TANGO6: variants seen among roughly 807,000 people sequenced by gnomAD.
The protein encoded by TANGO6 is transport and Golgi organization protein 6 homolog.
TANGO6 carries 90 observed loss-of-function variants against 114.2 expected under a neutral mutation model. That is an observed-to-expected ratio of 0.79 (90% CI 0.66 to 0.94). The LOEUF (loss-of-function observed/expected upper bound fraction) is 0.94, where lower values mean the gene tolerates loss of function less well. Ranked by LOEUF, TANGO6 falls within the 40% of genes least tolerant of loss-of-function variation. The pLI, the probability that TANGO6 is intolerant of heterozygous loss-of-function variation, is 0.00. For missense variants in TANGO6, 1,274 were observed against 1,315.3 expected (o/e 0.97, Z 0.49); for synonymous variants, 477 against 509.8 (o/e 0.94, Z 0.87).
chr16:68,879,615 C>CT (rs1326942905), intron 6 of TANGO6, among the ~76,000 whole-genome samples: 1 of 148,066 alleles, frequency 6.8e-6, no homozygotes, highest in African/African-American at 2.5e-5. Context: ...CTGCCATTTT[C>CT]TTTCTTTTTT....
At chr16:68,905,228 C>A (rs1207828212) in intron 9 of TANGO6, among the ~76,000 whole-genome samples, 1 of 147,556 alleles carries the variant, frequency 6.8e-6, no homozygotes, top group African/African-American at 2.5e-5. Context: ...GGAACTGTGT[C>A]TCAAAAAAAA....
At chr16:69,008,131 GA>G (rs920704725) in intron 15 of TANGO6, among the ~76,000 whole-genome samples, 1 of 151,576 alleles carries the variant, frequency 6.6e-6, no homozygotes, top group African/African-American at 2.4e-5. Context: ...TTTTCTTTCA[GA>G]AAAAATAGAC....
intron 16 of TANGO6, chr16:69,034,599 A>T (rs947729632): frequency 2.0e-5 from 3 of 152,312 alleles, no homozygotes. Context: ...AATTGAACAA[A>T]CCAGCCACCG....
intron 12 of TANGO6, among the ~76,000 whole-genome samples, chr16:68,924,219 A>G (rs542087069): frequency 5.3e-5 from 8 of 152,306 alleles, no homozygotes; most frequent in Admixed American, 2.0e-4. Context: ...TAAACCATCT[A>G]TTTCTGGAAT....
chr16:69,030,429 A>T (rs1179414933), intron 16 of TANGO6, among the ~76,000 whole-genome samples: 1 of 152,014 alleles, frequency 6.6e-6, no homozygotes, highest in Non-Finnish European at 1.5e-5. Flanking sequence ...AGCAGGTAAA[A>T]AAAGGCAGAG....
chr16:69,059,849 G>A (rs1190295952), intron 17 of TANGO6, among the ~76,000 whole-genome samples: 10 of 152,164 alleles, frequency 6.6e-5, no homozygotes, highest in East Asian at 1.9e-4. Flanking sequence ...GTCTGGTCCC[G>A]ACTAATAATT....
chr16:68,898,778 C>T (rs1962743177), intron 7 of TANGO6, among the ~76,000 whole-genome samples: 7 of 152,132 alleles, frequency 4.6e-5, no homozygotes, highest in Admixed American at 4.6e-4. Flanking sequence ...ACACCATGAG[C>T]ATAATCATTG....
chr16:69,073,635 A>C (rs1242547603), intron 17 of TANGO6, among the ~76,000 whole-genome samples: 1 of 152,170 alleles, frequency 6.6e-6, no homozygotes, highest in Non-Finnish European at 1.5e-5. Flanking sequence ...AGGAAAAATA[A>C]GACTTCCTTG....
chr16:68,909,541 C>T, intron 11 of TANGO6, 139 bp downstream of exon 11: 1 of 773,148 alleles, frequency 1.3e-6, no homozygotes, highest in Non-Finnish European at 1.8e-6. Flanking sequence ...ATGGAAACTA[C>T]ACAGCCCACA....
intron 9 of TANGO6, among the ~76,000 whole-genome samples, chr16:68,905,885 G>T (rs550070500): frequency 4.0e-4 from 61 of 151,832 alleles, no homozygotes; most frequent in Middle Eastern, 3.4e-3. Flanking sequence ...AATTAAAAAA[G>T]AACAAAACAA....
intron 15 of TANGO6, among the ~76,000 whole-genome samples, chr16:68,987,850 T>C (rs1262735028): frequency 6.6e-6 from 1 of 152,220 alleles, no homozygotes; most frequent in Non-Finnish European, 1.5e-5. Context: ...CCTGAGTGCA[T>C]TGTGGGAAAA....
chr16:68,869,715 C>T (rs1278988078), intron 4 of TANGO6, among the ~76,000 whole-genome samples: 3 of 152,120 alleles, frequency 2.0e-5, no homozygotes, highest in Non-Finnish European at 4.4e-5. Context: ...AACAACTTAC[C>T]ACAAACTTAG....
chr16:68,983,416 C>A (rs1313085561), intron 15 of TANGO6, among the ~76,000 whole-genome samples: 1 of 151,772 alleles, frequency 6.6e-6, no homozygotes, highest in African/African-American at 2.4e-5. Flanking sequence ...TTAATGTAGT[C>A]CAGTTCAGAA....
intron 15 of TANGO6, among the ~76,000 whole-genome samples, chr16:68,980,099 G>A (rs971815206): frequency 6.6e-6 from 1 of 151,910 alleles, no homozygotes. Flanking sequence ...GCCCGCCTCG[G>A]CCTCCCAAAG....
intron 15 of TANGO6, among the ~76,000 whole-genome samples, chr16:69,002,523 C>T (rs1396688396): frequency 6.6e-6 from 1 of 152,078 alleles, no homozygotes; most frequent in Non-Finnish European, 1.5e-5. Flanking sequence ...AGACAGTTTT[C>T]CCTGCTCTTG....
At chr16:69,078,462 A>G (rs890213088) in intron 17 of TANGO6, among the ~76,000 whole-genome samples, 5 of 152,262 alleles carry the variant, frequency 3.3e-5, no homozygotes, top group African/African-American at 1.2e-4. Context: ...TGAATTAACT[A>G]TTTCCCATCA....
At position 69,047,218 on chromosome 16, in the gene TANGO6, C is replaced by A. The variant is rs568837856; in HGVS notation, c.3108+6797C>A. On this transcript the variant is annotated intron_variant, in intron 17 of 17. Transcript: ENST00000261778. ...AAAAAGAGTGATTTTAGGCTGGGCG[C>A]GGTGTCTCACAACTATAATCCCAGC... Among the ~76,000 whole-genome samples, 32 of 139,354 alleles carry A rather than the reference C, an allele frequency of 2.3e-4. 1 individual carries two copies. The South Asian group carries it at 7.1e-3, about 31-fold the overall frequency. The allele number at this position is 139,354 out of a possible 152,430, so 91.4% of individuals were successfully genotyped here. A position where few individuals can be genotyped will look rare whatever the true frequency, so the allele number is the denominator to read the frequency against.
chr16:68,992,737 T>A (rs1963956069), intron 15 of TANGO6, among the ~76,000 whole-genome samples: 1 of 152,194 alleles, frequency 6.6e-6, no homozygotes, highest in South Asian at 2.1e-4. Context: ...TTATGTCCTT[T>A]TTCCCTCTCA....
Position 68,860,437 on chromosome 16 carries a change from C to T in TANGO6, c.648C>T (p.Phe216=). Residue 216 remains phenylalanine, a synonymous_variant, in exon 2 of 18, where the codon TTC becomes TTT. Transcript: ENST00000261778. The part of the protein sequence containing the change: ...AQHTSLGSLI[F]CHHFGDIAAG... ...ACACATCTCTGGGGAGCTTGATCTTCTGCCACCACTTTGGGGATATCGCAG... is the reference window on the plus strand; with the variant it reads ...ACACATCTCTGGGGAGCTTGATCTTTTGCCACCACTTTGGGGATATCGCAG... 6.2e-7 allele frequency: 1 copy of T among 1,614,032 alleles called. No individual in the cohort carries two copies.
Sources: allele counts gnomAD v4.1 joint callset (sites outside exome capture counted in the v4.1 genomes callset), GRCh38; gene constraint gnomAD v4.1.1; transcripts MANE v1.5; gene names NCBI Gene and HGNC (gene_info 2026-07-23, HGNC 2026-07-21).